AOPEP: variants seen among roughly 807,000 people sequenced by gnomAD.
AOPEP encodes aminopeptidase O (putative).
In AOPEP, 77 loss-of-function variants were observed where a neutral mutation model predicts 98.1. The observed-to-expected ratio is 0.78, with a 90% confidence interval of 0.65 to 0.95. The LOEUF (loss-of-function observed/expected upper bound fraction) is 0.95, where lower values mean the gene tolerates loss of function less well. Ranked by LOEUF, AOPEP falls within the 40% of genes least tolerant of loss-of-function variation. The pLI is 0.00. For missense variants in AOPEP, 1,024 were observed against 1,024.7 expected, an observed-to-expected ratio of 1.00 and a Z score of 0.01; for synonymous variants, 346 against 365.3, an observed-to-expected ratio of 0.95 and a Z score of 0.60.
intron 3 of AOPEP, among the ~76,000 whole-genome samples, chr9:94,786,179 AC>A (rs1186615967): frequency 2.0e-5 from 3 of 152,252 alleles, no homozygotes; most frequent in African/African-American, 7.2e-5. Context: ...TTGAACACTT[AC>A]TTTGTGCCAA....
At chr9:95,111,923 G>A in the AOPEP span, among the ~76,000 whole-genome samples, 1 of 152,214 alleles carries the variant, frequency 6.6e-6, no homozygotes, top group African/African-American at 2.4e-5. Flanking sequence ...ACTGAAGAAG[G>A]AAGACTGCGG....
intron 3 of AOPEP, among the ~76,000 whole-genome samples, chr9:94,791,657 C>T (rs932338129): frequency 2.0e-5 from 3 of 152,068 alleles, no homozygotes; most frequent in Non-Finnish European, 2.9e-5. Context: ...TGCATTCCAA[C>T]CTGGGCAACA....
the AOPEP span, among the ~76,000 whole-genome samples, chr9:95,137,321 G>A: frequency 6.6e-6 from 1 of 152,260 alleles, no homozygotes; most frequent in South Asian, 2.1e-4. Context: ...AAGAGCAGCA[G>A]GGAAGAGGCT....
At chr9:95,034,226 G>A (rs903062088) in intron 13 of AOPEP, among the ~76,000 whole-genome samples, 16 of 152,128 alleles carry the variant, frequency 1.1e-4, no homozygotes, top group African/African-American at 3.6e-4. Flanking sequence ...TGTAGGTAGC[G>A]ATTGCTTCCA....
At chr9:94,766,462 A>G (rs952282237) in intron 2 of AOPEP, among the ~76,000 whole-genome samples, 2 of 152,222 alleles carry the variant, frequency 1.3e-5, no homozygotes, top group African/African-American at 2.4e-5. Context: ...GCGTGAACCC[A>G]GGAGGCGGAG....
chr9:94,779,222 T>C (rs918680054), intron 3 of AOPEP, among the ~76,000 whole-genome samples: 42 of 152,318 alleles, frequency 2.8e-4, no homozygotes, highest in African/African-American at 9.9e-4. Flanking sequence ...GTTCCCTGAC[T>C]TGCTGAATTG....
intron 5 of AOPEP, among the ~76,000 whole-genome samples, chr9:94,878,943 T>C (rs2047276055): frequency 6.6e-6 from 1 of 152,230 alleles, no homozygotes; most frequent in Non-Finnish European, 1.5e-5. Flanking sequence ...CAAATCAGTT[T>C]CCTCAGCATT....
At chr9:94,779,689 T>C (rs1292915699) in intron 3 of AOPEP, among the ~76,000 whole-genome samples, 4 of 151,414 alleles carry the variant, frequency 2.6e-5, no homozygotes, top group Admixed American at 6.6e-5. Flanking sequence ...AATATATAAA[T>C]ATAAATTGAA....
At chr9:94,802,286 AG>A (rs1244628069) in intron 5 of AOPEP, among the ~76,000 whole-genome samples, 1 of 151,986 alleles carries the variant, frequency 6.6e-6, no homozygotes, top group African/African-American at 2.4e-5. Context: ...CATGGGTTTG[AG>A]GGGCCCTATT....
At chr9:95,110,218 T>C in the AOPEP span, 1 of 995,058 alleles carries the variant, frequency 1.0e-6, no homozygotes, top group Non-Finnish European at 1.2e-6. Context: ...TGTAGAACTT[T>C]CTAGAAATTA....
intron 14 of AOPEP, among the ~76,000 whole-genome samples, chr9:95,075,096 C>T (rs2068910604): frequency 6.6e-6 from 1 of 152,192 alleles, no homozygotes; most frequent in Non-Finnish European, 1.5e-5. Flanking sequence ...ACACCAACTT[C>T]ATCATTTTCC....
At chr9:95,096,917 T>TGA in the AOPEP span, among the ~76,000 whole-genome samples, 1 of 152,166 alleles carries the variant, frequency 6.6e-6, no homozygotes, top group East Asian at 1.9e-4. Context: ...GTCTAGGATG[T>TGA]CGTTCCAGAG....
intron 2 of AOPEP, among the ~76,000 whole-genome samples, chr9:94,768,547 T>C (rs1339391279): frequency 6.6e-6 from 1 of 152,218 alleles, no homozygotes; most frequent in Non-Finnish European, 1.5e-5. Flanking sequence ...TCATCCTCAT[T>C]TGACCACTCT....
At chr9:95,078,214 C>G (rs1292944812) in intron 14 of AOPEP, among the ~76,000 whole-genome samples, 1 of 152,130 alleles carries the variant, frequency 6.6e-6, no homozygotes, top group Non-Finnish European at 1.5e-5. Context: ...GAGCCTCTTC[C>G]ACCCGCCATC....
At chr9:94,778,202 A>G (rs1842574972) in intron 3 of AOPEP, among the ~76,000 whole-genome samples, 5 of 152,216 alleles carry the variant, frequency 3.3e-5, no homozygotes, top group Admixed American at 3.3e-4. Flanking sequence ...TGGTGAGAGT[A>G]TGAAAGAATG....
chr9:95,076,380 C>T (rs1308176874), intron 14 of AOPEP, among the ~76,000 whole-genome samples: 1 of 152,180 alleles, frequency 6.6e-6, no homozygotes, highest in Admixed American at 6.5e-5. Context: ...TGACCCACAC[C>T]TTGTGTTTCA....
At position 94,930,227 on chromosome 9, in the gene AOPEP, T is replaced by A. The variant is rs925960317; in HGVS notation, c.1661+1696T>A. Among the ~76,000 whole-genome samples, 3 of 152,174 alleles carry A rather than the reference T, an allele frequency of 2.0e-5. No individual in the cohort carries two copies. Among genetic ancestry groups the A allele is most frequent in the Non-Finnish European group, 4.4e-5 (3 of 68,030 alleles). On this transcript the variant is annotated intron_variant, in intron 7 of 16. Coordinates refer to ENST00000375315, the MANE Select transcript of AOPEP (RefSeq NM_001193329.3). The surrounding 1 kb of genome is among the most constrained non-coding windows in gnomAD (Gnocchi z 4.5). ...AGACCTATTTGAAATGTGTTTTGGCTGTGGAACGGGCAGGTCTTTGGTTGA... is the reference window on the plus strand; with the variant it reads ...AGACCTATTTGAAATGTGTTTTGGCAGTGGAACGGGCAGGTCTTTGGTTGA...
intron 5 of AOPEP, among the ~76,000 whole-genome samples, chr9:94,901,242 T>C (rs1271199523): frequency 1.3e-5 from 2 of 152,184 alleles, no homozygotes; most frequent in African/African-American, 4.8e-5. Flanking sequence ...TAATGAAGAA[T>C]GGCCAAAAAG....
intron 5 of AOPEP, among the ~76,000 whole-genome samples, chr9:94,892,105 A>G (rs1042876975): frequency 2.0e-5 from 3 of 151,788 alleles, no homozygotes; most frequent in African/African-American, 7.3e-5. Context: ...TGTTTTCAAG[A>G]TTTTTTTTCT....
Sources: gnomAD v4.1 joint callset for allele counts (sites outside exome capture counted in the v4.1 genomes callset) on GRCh38, gnomAD v4.1.1 for gene constraint, Gnocchi (gnomAD v3.1) non-coding constraint, MANE v1.5 for transcripts, NCBI Gene and HGNC (gene_info 2026-07-23, HGNC 2026-07-21) for gene names.